CEP350: variants seen among roughly 807,000 people sequenced by gnomAD.
CEP350 encodes the protein centrosomal protein 350, also known as centrosome-associated protein 350.
A neutral mutation model predicts 331.8 loss-of-function variants in CEP350; 126 were observed. That is an observed-to-expected ratio of 0.38 (90% confidence interval 0.33 to 0.44). The LOEUF is 0.44. Ranked by LOEUF, CEP350 falls within the 20% of genes least tolerant of loss-of-function variation. The pLI, the probability that CEP350 is intolerant of heterozygous loss-of-function variation, is 1.00. For synonymous variants in CEP350, 1,200 were observed against 1,259.5 expected (o/e 0.95, Z 1.00); for missense variants, 3,406 against 3,634.6 (o/e 0.94, Z 1.62).
At chr1:180,027,541 C>G (rs1278262925) in intron 14 of CEP350, among the ~76,000 whole-genome samples, 3 of 151,996 alleles carry the variant, frequency 2.0e-5, no homozygotes, top group African/African-American at 7.2e-5. Flanking sequence ...CACAACACCC[C>G]ACCTGGCTAA....
At chr1:179,992,365 C>T (rs1653160506) in intron 5 of CEP350, 144 bp downstream of exon 5, 2 of 608,484 alleles carry the variant, frequency 3.3e-6, no homozygotes, top group African/African-American at 3.9e-5. Context: ...TTTTCATTCT[C>T]CACAAAAGAT....
At chr1:180,025,117 G>A (rs907461945) in intron 14 of CEP350, among the ~76,000 whole-genome samples, 2 of 151,788 alleles carry the variant, frequency 1.3e-5, no homozygotes, top group Non-Finnish European at 2.9e-5. Context: ...GTAGAGACGG[G>A]GTTTCACCAT....
chr1:180,017,473 AT>A (rs1558103041), intron 11 of CEP350, among the ~76,000 whole-genome samples: 1 of 152,140 alleles, frequency 6.6e-6, no homozygotes, highest in Non-Finnish European at 1.5e-5. Context: ...ACCCTGCTAT[AT>A]TAATGTCTTC....
chr1:180,041,260 T>G lies in CEP350; in HGVS notation c.4221+12T>G, dbSNP rs1229278746. 3 of 1,544,738 alleles carry G rather than the reference T, an allele frequency of 1.9e-6. No homozygotes were observed. The highest frequency in any genetic ancestry group is 2.6e-6 in the Non-Finnish European group (3 of 1,145,336). ...ACAAAGCAGCTCAGGTAACTTATTTTGCAGCAGGTTCTTGTTTTTTAAACC... is the reference window on the plus strand; with the variant it reads ...ACAAAGCAGCTCAGGTAACTTATTTGGCAGCAGGTTCTTGTTTTTTAAACC... On this transcript the variant is annotated intron_variant, in intron 18 of 37. Coordinates refer to ENST00000367607, the MANE Select transcript of CEP350 (RefSeq NM_014810.5).
At chr1:180,102,384 T>C (rs1339987317) in intron 37 of CEP350, among the ~76,000 whole-genome samples, 1 of 152,020 alleles carries the variant, frequency 6.6e-6, no homozygotes, top group Non-Finnish European at 1.5e-5. Context: ...GATCCACCTG[T>C]CTCGGCCTCC....
At position 180,065,101 on chromosome 1, in the gene CEP350, CT is replaced by C; in HGVS notation, c.5410-9del. 6.3e-7 allele frequency: 1 copy of C among 1,577,030 alleles called. No individual in the cohort carries two copies. The highest frequency in any genetic ancestry group is 8.6e-7 in the Non-Finnish European group (1 of 1,167,230). On this transcript the variant is annotated splice_polypyrimidine_tract_variant and intron_variant, in intron 26 of 37. Coordinates refer to ENST00000367607, the MANE Select transcript of CEP350 (RefSeq NM_014810.5). ...ATTAAAGTCCAATACAATTTTGCCT[CT>C]TTTTGTTTGCAGGACTCTCATAGTG... is the stretch of plus-strand genomic sequence containing the variant.
chr1:179,997,888 T>A (rs1050635032), intron 6 of CEP350, among the ~76,000 whole-genome samples: 4 of 152,192 alleles, frequency 2.6e-5, no homozygotes, highest in African/African-American at 9.6e-5. Flanking sequence ...TTGATCCTGT[T>A]GATATTTTAA....
intron 5 of CEP350, 145 bp from the exon 6 acceptor site, chr1:179,996,408 G>T (rs1034644411): frequency 1.6e-6 from 1 of 615,690 alleles, no homozygotes; most frequent in African/African-American, 1.8e-5. Flanking sequence ...TATACCTTGT[G>T]GAATGGCTAA....
At chr1:180,100,710 A>G (rs1660755330) in intron 37 of CEP350, among the ~76,000 whole-genome samples, 1 of 152,222 alleles carries the variant, frequency 6.6e-6, no homozygotes, top group African/African-American at 2.4e-5. Flanking sequence ...TATAATGAGG[A>G]TGGTCAAGGC....
At chr1:180,059,285 A>G (rs1006201901) in intron 25 of CEP350, among the ~76,000 whole-genome samples, 2 of 152,214 alleles carry the variant, frequency 1.3e-5, no homozygotes, top group Non-Finnish European at 2.9e-5. Context: ...CTCTGTTATG[A>G]ATTTGCCCTT....
chr1:179,983,323 C>A (rs1652422167), intron 1 of CEP350, among the ~76,000 whole-genome samples: 1 of 152,002 alleles, frequency 6.6e-6, no homozygotes, highest in African/African-American at 2.4e-5. Flanking sequence ...TAACCTCTGC[C>A]TCCTGGGTTC....
intron 34 of CEP350, chr1:180,095,157 A>C (rs142911835): frequency 1.8e-4 from 33 of 184,878 alleles, no homozygotes; most frequent in Admixed American, 3.2e-4. Context: ...AGTTGAGCAA[A>C]AGTAATGACT....
chr1:180,063,361 T>A (rs1372922852), intron 26 of CEP350, among the ~76,000 whole-genome samples: 2 of 151,528 alleles, frequency 1.3e-5, no homozygotes, highest in Non-Finnish European at 2.9e-5. Context: ...TCAGCTAATT[T>A]TTTGTATTTT....
At chr1:179,984,293 G>A (rs1200247373) in intron 1 of CEP350, among the ~76,000 whole-genome samples, 1 of 152,182 alleles carries the variant, frequency 6.6e-6, no homozygotes, top group African/African-American at 2.4e-5. Flanking sequence ...CACATTTTCT[G>A]TATGTAAGGA....
intron 4 of CEP350, among the ~76,000 whole-genome samples, chr1:179,991,370 G>A (rs1302266859): frequency 7.3e-6 from 1 of 136,254 alleles, no homozygotes; most frequent in Non-Finnish European, 1.5e-5. Context: ...AGGCTGAAGT[G>A]CAGTGGCATG....
intron 1 of CEP350, among the ~76,000 whole-genome samples, chr1:179,977,988 T>C (rs1652000680): frequency 6.6e-6 from 1 of 150,920 alleles, no homozygotes; most frequent in South Asian, 2.1e-4. Flanking sequence ...GTATAAAATA[T>C]GTATTTTTAT....
intron 1 of CEP350, among the ~76,000 whole-genome samples, chr1:179,967,451 G>A (rs145544084): frequency 9.9e-5 from 15 of 152,148 alleles, no homozygotes; most frequent in East Asian, 3.9e-4. Flanking sequence ...TCACTCTGTC[G>A]CCCAGGAGGG....
At chr1:180,047,034 T>C (rs1657163803) in intron 21 of CEP350, among the ~76,000 whole-genome samples, 2 of 152,174 alleles carry the variant, frequency 1.3e-5, no homozygotes, top group South Asian at 4.1e-4. Flanking sequence ...CATAGAAATA[T>C]ACACAAAAAA....
chr1:179,997,976 T>C (rs892471428), intron 6 of CEP350, among the ~76,000 whole-genome samples: 1 of 151,372 alleles, frequency 6.6e-6, no homozygotes, highest in South Asian at 2.1e-4. Flanking sequence ...ATGCCAACAT[T>C]GGTAGATTTT....
Sources: gnomAD v4.1 joint callset for allele counts (sites outside exome capture counted in the v4.1 genomes callset) on GRCh38, gnomAD v4.1.1 for gene constraint, MANE v1.5 for transcripts, NCBI Gene and HGNC (gene_info 2026-07-23, HGNC 2026-07-21) for gene names.